DOP1A: variants seen among roughly 807,000 people sequenced by gnomAD.
DOP1A encodes protein DOP1A.
DOP1A carries 90 observed loss-of-function variants against 267.6 expected under a neutral mutation model. The observed-to-expected ratio is 0.34, with a 90% confidence interval of 0.28 to 0.40. The LOEUF (loss-of-function observed/expected upper bound fraction) is 0.40. Among genes scored for constraint, DOP1A ranks in the 10% least tolerant of loss-of-function variants. The pLI is 1.00. For missense variants in DOP1A, 2,437 were observed against 2,900.4 expected (o/e 0.84, Z 3.67); for synonymous variants, 932 against 999.1 (o/e 0.93, Z 1.27).
chr6:83,121,998 T>C lies in DOP1A; in HGVS notation c.1168T>C (p.Leu390=), dbSNP rs753887206. The C allele has an allele frequency of 9.3e-6, 15 of 1,611,488 alleles. No homozygotes were observed. The South Asian group carries it at 1.2e-4, about 13-fold the overall frequency. Residue 390 remains leucine (L), a synonymous_variant, in exon 11 of 39, where the codon TTG becomes CTG. Transcript: ENST00000349129. ...ATTATATTCTCAATGCAAAGCAGAG[T>C]TGGATCTTCAAACTGAACCACCCTT... ...RTLYSQCKAE[L]DLQTEPPFSK...
At chr6:83,158,463 T>C (rs1226307326) in intron 35 of DOP1A, 104 bp from the exon 36 acceptor site, 29 of 873,316 alleles carry the variant, frequency 3.3e-5, no homozygotes, top group Non-Finnish European at 5.2e-5. Flanking sequence ...TCTGAAAATG[T>C]ATTCTAAAAT....
rs1043729404 is a variant in DOP1A at position 83,137,406 on chromosome 6, T to C, written c.3364T>C (p.Leu1122=). 6.2e-6 allele frequency: 10 copies of C among 1,613,842 alleles called. No homozygotes were observed. In the East Asian group the frequency reaches 6.7e-5, roughly 11 times the overall value. ...TTCACAGTCCTCTGCTGGGGACAACTTGAGTTACGAAGTTGATCCTGAAAC... is the reference window on the plus strand; with the variant it reads ...TTCACAGTCCTCTGCTGGGGACAACCTGAGTTACGAAGTTGATCCTGAAAC... ...GCSQSSAGDN[L]SYEVDPETVN... is the part of the protein sequence containing the mutation. Residue 1122 remains leucine, a synonymous_variant, in exon 21 of 39, where the codon TTG becomes CTG. Transcript: ENST00000349129.
At chr6:83,160,544 T>A (rs1783985764) in intron 37 of DOP1A, among the ~76,000 whole-genome samples, 1 of 152,196 alleles carries the variant, frequency 6.6e-6, no homozygotes, top group Non-Finnish European at 1.5e-5. Flanking sequence ...TTTAGAATGC[T>A]TATTTTGGCT....
chr6:83,109,227 A>G (rs1191472655), intron 5 of DOP1A, 147 bp downstream of exon 5: 2 of 696,632 alleles, frequency 2.9e-6, no homozygotes, highest in Non-Finnish European at 4.6e-6. Flanking sequence ...ATGAAACATT[A>G]TTATAGTTTA....
At position 83,123,006 on chromosome 6, in the gene DOP1A, T is replaced by C. The variant is rs1332655502; in HGVS notation, c.1340+24T>C. ...AGGTATGTTAAACTTTCATTCCTTT[T>C]AATTTCGTAACATCTAAAGCTAACC... On this transcript the variant is annotated intron_variant, in intron 12 of 38. Coordinates refer to ENST00000349129, the MANE Select transcript of DOP1A (RefSeq NM_015018.4). The C allele has an allele frequency of 3.2e-6, 5 of 1,573,060 alleles. No individual in the cohort carries two copies. The East Asian group carries it at 1.2e-4, about 36-fold the overall frequency.
At chr6:83,122,809 G>T in intron 11 of DOP1A, 54 bp from the exon 12 acceptor site, 5 of 1,329,856 alleles carry the variant, frequency 3.8e-6, no homozygotes, top group Non-Finnish European at 4.0e-6. Flanking sequence ...ATTTAAATTT[G>T]AAAAAACAAA....
At chr6:83,130,642 AAG>A (rs1309390494) in intron 17 of DOP1A, among the ~76,000 whole-genome samples, 1 of 152,186 alleles carries the variant, frequency 6.6e-6, no homozygotes, top group Non-Finnish European at 1.5e-5. Context: ...AGGATAAAGA[AAG>A]AGAAGTATTA....
At chr6:83,091,015 G>C (rs1297738069) in intron 1 of DOP1A, among the ~76,000 whole-genome samples, 2 of 151,798 alleles carry the variant, frequency 1.3e-5, no homozygotes, top group Non-Finnish European at 1.5e-5. Context: ...CGGACTTACA[G>C]TTCCATATGG....
intron 33 of DOP1A, among the ~76,000 whole-genome samples, chr6:83,154,520 T>A (rs776667738): frequency 1.4e-4 from 21 of 152,216 alleles, no homozygotes; most frequent in Non-Finnish European, 2.8e-4. Flanking sequence ...AATTTGAATC[T>A]AAATTATTTC....
intron 19 of DOP1A, among the ~76,000 whole-genome samples, chr6:83,134,678 T>G (rs1387081190): frequency 6.6e-6 from 1 of 152,138 alleles, no homozygotes; most frequent in East Asian, 1.9e-4. Context: ...TTTATTAAAA[T>G]CTATAGCTGA....
intron 6 of DOP1A, among the ~76,000 whole-genome samples, chr6:83,111,998 T>A (rs1774638740): frequency 6.6e-6 from 1 of 152,098 alleles, no homozygotes; most frequent in South Asian, 2.1e-4. Context: ...AATGCGTAAG[T>A]TTATTAGAAA....
chr6:83,124,462 C>T (rs909397472), intron 12 of DOP1A, among the ~76,000 whole-genome samples: 1 of 152,076 alleles, frequency 6.6e-6, no homozygotes, highest in Non-Finnish European at 1.5e-5. Flanking sequence ...AAAGTGAGAT[C>T]CATTCAGAAC....
At chr6:83,101,804 A>T (rs995876552) in intron 4 of DOP1A, among the ~76,000 whole-genome samples, 2 of 152,258 alleles carry the variant, frequency 1.3e-5, no homozygotes, top group Non-Finnish European at 2.9e-5. Context: ...CCAACAGATA[A>T]TAAAACAATT....
chr6:83,170,510 A>G, downstream of DOP1A: 2 of 1,564,834 alleles, frequency 1.3e-6, no homozygotes, highest in Non-Finnish European at 8.8e-7. Flanking sequence ...TTGTTACTCT[A>G]TTACACTTCC....
At chr6:83,147,792 A>G (rs1250843018) in intron 26 of DOP1A, among the ~76,000 whole-genome samples, 1 of 152,192 alleles carries the variant, frequency 6.6e-6, no homozygotes, top group African/African-American at 2.4e-5. Context: ...CAGGCTATTG[A>G]GTGTATTTAA....
intron 14 of DOP1A, 95 bp from the exon 15 acceptor site, chr6:83,125,405 G>C (rs1777008212): frequency 1.7e-6 from 2 of 1,175,334 alleles, no homozygotes; most frequent in African/African-American, 1.5e-5. Flanking sequence ...AAACATTATG[G>C]ATGAGTAAAA....
intron 1 of DOP1A, among the ~76,000 whole-genome samples, chr6:83,096,026 G>A (rs1771425074): frequency 6.6e-6 from 1 of 152,180 alleles, no homozygotes. Flanking sequence ...CTTTTCATGA[G>A]AAATGAGTCA....
chr6:83,168,225 A>G lies in DOP1A; in HGVS notation c.*58A>G. 6.5e-7 allele frequency: 1 copy of G among 1,546,440 alleles called. No individual in the cohort carries two copies. The highest frequency in any genetic ancestry group is 1.3e-5 in the South Asian group (1 of 77,836). ...AAATGTAATTATTTAAAACACACAC[A>G]CTGCTCTGCGTTGTATAGTTTTTCC... On this transcript the variant is annotated 3_prime_UTR_variant, in exon 39 of 39. Transcript: ENST00000349129.
intron 6 of DOP1A, 76 bp downstream of exon 6, chr6:83,110,390 G>T (rs1296332971): frequency 4.3e-6 from 6 of 1,394,758 alleles, no homozygotes; most frequent in Non-Finnish European, 5.8e-6. Context: ...ATATATTGAG[G>T]ATTGTATAAT....
Sources: allele counts gnomAD v4.1 joint callset (sites outside exome capture counted in the v4.1 genomes callset), GRCh38; gene constraint gnomAD v4.1.1; transcripts MANE v1.5; gene names NCBI Gene and HGNC (gene_info 2026-07-23, HGNC 2026-07-21).